Variants in RFX3 observed in about 807,000 individuals in gnomAD.
RFX3 encodes the protein regulatory factor X3.
RFX3 carries 14 observed loss-of-function variants against 98.6 expected under a neutral mutation model. The ratio of observed to expected loss-of-function variants is 0.14; its 90% CI spans 0.09 to 0.22. RFX3 has a LOEUF of 0.22. Ranked by LOEUF, RFX3 falls within the 10% of genes least tolerant of loss-of-function variation. The pLI, the probability that RFX3 is intolerant of heterozygous loss-of-function variation, is 1.00. For missense variants in RFX3, 639 were observed against 926.9 expected, an observed-to-expected ratio of 0.69 and a Z score of 4.03; for synonymous variants, 383 against 328.4, an observed-to-expected ratio of 1.17 and a Z score of -1.80.
chr9:3,242,532 C>G (rs538430660), intron 15 of RFX3, among the ~76,000 whole-genome samples: 7 of 152,066 alleles, frequency 4.6e-5, no homozygotes, highest in Non-Finnish European at 1.0e-4. Context: ...TAGCACAATG[C>G]TTGCTAAAAT....
intron 4 of RFX3, among the ~76,000 whole-genome samples, chr9:3,306,743 A>C (rs1049670997): frequency 4.6e-5 from 7 of 151,992 alleles, no homozygotes; most frequent in Admixed American, 1.3e-4. Context: ...TAAAACTTAA[A>C]GTATAATAAT....
At chr9:3,390,573 AATTCCCAC>A (rs1229136486) in intron 2 of RFX3, among the ~76,000 whole-genome samples, 1 of 152,184 alleles carries the variant, frequency 6.6e-6, no homozygotes, top group African/African-American at 2.4e-5. Context: ...TAATTCCCAC[AATTCCCAC>A]ATTGTTGTGG....
chr9:3,307,155 G>A (rs1386551312), intron 4 of RFX3, among the ~76,000 whole-genome samples: 1 of 152,096 alleles, frequency 6.6e-6, no homozygotes, highest in Non-Finnish European at 1.5e-5. Flanking sequence ...CCCCAGCCAC[G>A]ATGAACTGTG....
chr9:3,309,819 T>G (rs576176024), intron 4 of RFX3, among the ~76,000 whole-genome samples: 5 of 152,344 alleles, frequency 3.3e-5, no homozygotes, highest in Admixed American at 3.3e-4. Context: ...AGGAGAGTCC[T>G]TCTCATAGGA....
intron 2 of RFX3, among the ~76,000 whole-genome samples, chr9:3,361,661 GAAAAA>G (rs71324242): frequency 3.4e-5 from 3 of 87,798 alleles, no homozygotes; most frequent in Non-Finnish European, 4.9e-5. Context: ...GTTTCTTTAG[GAAAAA>G]AAAAAAAAAA....
At chr9:3,319,092 T>C (rs918727930) in intron 4 of RFX3, among the ~76,000 whole-genome samples, 1 of 152,226 alleles carries the variant, frequency 6.6e-6, no homozygotes, top group African/African-American at 2.4e-5. Flanking sequence ...CATTTTCAAA[T>C]GGTCTCTGCA....
chr9:3,521,295 T>C (rs1407314169), intron 1 of RFX3, among the ~76,000 whole-genome samples: 1 of 152,160 alleles, frequency 6.6e-6, no homozygotes, highest in Non-Finnish European at 1.5e-5. Context: ...AAGATATCAA[T>C]CTTTATATTG....
chr9:3,299,287 G>A (rs1043860381), intron 5 of RFX3, among the ~76,000 whole-genome samples: 2 of 151,692 alleles, frequency 1.3e-5, no homozygotes, highest in African/African-American at 4.8e-5. Context: ...AATTCCAGTT[G>A]TTTTTGATAA....
rs1817626732 is a variant in RFX3 at position 3,225,223 on chromosome 9, G to A, written c.2069C>T (p.Pro690Leu). ...MDEELDDSSEPQAKREKTELS... is the reference protein window; with the variant it reads ...MDEELDDSSELQAKREKTELS... ...CTCTGTTTTCTCTCTTTTGGCTTGAGGCTCTGAAGAGTCATCCAGTTCTTC... is the reference window on the plus strand; with the variant it reads ...CTCTGTTTTCTCTCTTTTGGCTTGAAGCTCTGAAGAGTCATCCAGTTCTTC... The change falls in exon 17 of 17, where the codon CCT becomes CTT. Residue 690 changes from proline (P) to leucine (L), a missense_variant. Coordinates refer to ENST00000617270, the MANE Select transcript of RFX3 (RefSeq NM_001282116.2). The A allele has an allele frequency of 6.2e-7, 1 of 1,613,710 alleles. No individual in the cohort carries two copies. The highest frequency in any genetic ancestry group is 8.5e-7 in the Non-Finnish European group (1 of 1,179,922).
intron 11 of RFX3, among the ~76,000 whole-genome samples, chr9:3,270,096 AAGAAAGAAAGAAAGAAAGAAAG>A (rs1824207001): frequency 6.8e-5 from 1 of 14,692 alleles, no homozygotes; most frequent in Admixed American, 1.7e-3. Context: ...GAAAGAAAGA[AAGAAAGAAAGAAAGAAAGAAAG>A]AAAGAAAGGA....
At chr9:3,508,731 T>C (rs1366230620) in intron 1 of RFX3, among the ~76,000 whole-genome samples, 1 of 152,012 alleles carries the variant, frequency 6.6e-6, no homozygotes, top group Non-Finnish European at 1.5e-5. Context: ...ACAGGAAACA[T>C]ACTCCTGTTT....
intron 4 of RFX3, among the ~76,000 whole-genome samples, chr9:3,315,281 A>T (rs1443747946): frequency 7.3e-6 from 1 of 137,760 alleles, no homozygotes; most frequent in Non-Finnish European, 1.5e-5. Context: ...ACTACTGGGT[A>T]CATACGAAAT....
intron 2 of RFX3, among the ~76,000 whole-genome samples, chr9:3,347,571 C>G (rs992056833): frequency 3.3e-5 from 5 of 152,086 alleles, no homozygotes; most frequent in Non-Finnish European, 5.9e-5. Context: ...CCCCTGTAAT[C>G]CCAGCACTTT....
At chr9:3,291,399 A>C (rs1007556200) in intron 6 of RFX3, among the ~76,000 whole-genome samples, 4 of 91,830 alleles carry the variant, frequency 4.4e-5, no homozygotes, top group African/African-American at 1.5e-4. Flanking sequence ...CAAAAACAAA[A>C]CAAAACAAAA....
intron 1 of RFX3, among the ~76,000 whole-genome samples, chr9:3,424,666 T>G (rs1248720759): frequency 1.3e-5 from 2 of 151,970 alleles, no homozygotes; most frequent in African/African-American, 4.8e-5. Context: ...GGCCCATAAT[T>G]GACTGTCTTA....
intron 15 of RFX3, among the ~76,000 whole-genome samples, chr9:3,244,497 T>G (rs894790326): frequency 6.6e-6 from 1 of 152,196 alleles, no homozygotes; most frequent in Non-Finnish European, 1.5e-5. Context: ...CATTTGACAG[T>G]GTTTATTTGG....
intron 2 of RFX3, among the ~76,000 whole-genome samples, chr9:3,358,635 G>A (rs1291241529): frequency 6.6e-6 from 1 of 152,038 alleles, no homozygotes; most frequent in African/African-American, 2.4e-5. Flanking sequence ...CTGAATTACA[G>A]CATATTTTGG....
intron 5 of RFX3, among the ~76,000 whole-genome samples, chr9:3,301,233 A>C (rs1828619229): frequency 6.6e-6 from 1 of 151,908 alleles, no homozygotes; most frequent in Admixed American, 6.6e-5. Context: ...AATAAATATC[A>C]AACTGGAACA....
At chr9:3,445,784 T>C (rs1299032844) in intron 1 of RFX3, among the ~76,000 whole-genome samples, 4 of 152,196 alleles carry the variant, frequency 2.6e-5, no homozygotes, top group Non-Finnish European at 4.4e-5. Flanking sequence ...TTCTCCTGTA[T>C]TCTAGACATA....
Sources: gnomAD v4.1 joint callset for allele counts (sites outside exome capture counted in the v4.1 genomes callset) on GRCh38, gnomAD v4.1.1 for gene constraint, MANE v1.5 for transcripts, NCBI Gene and HGNC (gene_info 2026-07-23, HGNC 2026-07-21) for gene names.